The following CENPN variants were observed in gnomAD, a reference collection of about 807,000 sequenced individuals.
CENPN encodes the protein centromere protein N.
Under a neutral mutation model 48.6 loss-of-function variants are expected in CENPN, and 36 were observed. The observed-to-expected ratio is 0.74, with a 90% confidence interval of 0.57 to 0.98. The LOEUF is 0.98. CENPN is among the 50% of genes least tolerant of loss of function. CENPN has a pLI of 0.00. For synonymous variants in CENPN, 166 were observed against 135.2 expected, an observed-to-expected ratio of 1.23 and a Z score of -1.58; for missense variants, 439 against 399.2, an observed-to-expected ratio of 1.10 and a Z score of -0.85.
At chr16:81,027,077 C>T (rs1296175578) in intron 9 of CENPN, among the ~76,000 whole-genome samples, 4 of 152,062 alleles carry the variant, frequency 2.6e-5, no homozygotes, top group South Asian at 4.1e-4. Context: ...GGATTACAGA[C>T]GTGAGCCACT....
chr16:81,015,817 C>G (rs374985040), intron 3 of CENPN, among the ~76,000 whole-genome samples: 1 of 152,116 alleles, frequency 6.6e-6, no homozygotes, highest in African/African-American at 2.4e-5. Context: ...ACCAGCCTGG[C>G]CACTATGGTG....
At position 81,011,948 on chromosome 16, in the gene CENPN, G is replaced by C. The variant is rs754397987; in HGVS notation, c.9G>C (p.Glu3Asp). ...GTAAAAGTGCCAAAGAGATGGATGAGACTGTTGCTGAGTTCATCAAGAGGA... is the reference window on the plus strand; with the variant it reads ...GTAAAAGTGCCAAAGAGATGGATGACACTGTTGCTGAGTTCATCAAGAGGA... The part of the protein sequence containing the change: MD[E>D]TVAEFIKRTI... Residue 3 changes from glutamate to aspartate, a missense_variant, in exon 2 of 11, where the codon GAG becomes GAC. By Grantham distance (45) the Glu-to-Asp change is conservative. Coordinates refer to ENST00000305850, the MANE Select transcript of CENPN (RefSeq NM_001100624.3). 6.2e-6 allele frequency: 10 copies of C among 1,613,750 alleles called. No homozygotes were observed. The highest frequency in any genetic ancestry group is 7.6e-6 in the Non-Finnish European group (9 of 1,179,682).
chr16:81,021,074 G>A (rs577092198), intron 6 of CENPN, among the ~76,000 whole-genome samples: 33 of 148,564 alleles, frequency 2.2e-4, no homozygotes, highest in African/African-American at 7.7e-4. Flanking sequence ...CCTGGGCAAC[G>A]AGAAAGAAAC....
chr16:81,007,758 G>C (rs557963579), intron 1 of CENPN, among the ~76,000 whole-genome samples: 3 of 152,198 alleles, frequency 2.0e-5, no homozygotes, highest in Non-Finnish European at 2.9e-5. Flanking sequence ...GCGTTCCACA[G>C]ATCTTGAGCA....
chr16:81,010,320 T>C (rs1969689769), intron 1 of CENPN, among the ~76,000 whole-genome samples: 1 of 152,230 alleles, frequency 6.6e-6, no homozygotes, highest in Non-Finnish European at 1.5e-5. Context: ...GCTGTCACCA[T>C]TGGCTCACAA....
intron 4 of CENPN, among the ~76,000 whole-genome samples, 162 bp downstream of exon 4, chr16:81,017,547 C>A (rs1969983045): frequency 6.6e-6 from 1 of 151,856 alleles, no homozygotes; most frequent in Admixed American, 6.6e-5. Context: ...TCATTTCTTT[C>A]AAAATGAGGT....
At chr16:81,020,794 A>G (rs1211190548) in intron 6 of CENPN, among the ~76,000 whole-genome samples, 1 of 152,210 alleles carries the variant, frequency 6.6e-6, no homozygotes, top group Non-Finnish European at 1.5e-5. Flanking sequence ...GATGGTTATT[A>G]GAAAAGCCAG....
intron 8 of CENPN, among the ~76,000 whole-genome samples, chr16:81,025,338 T>G (rs1970415186): frequency 6.6e-6 from 1 of 152,194 alleles, no homozygotes; most frequent in Non-Finnish European, 1.5e-5. Context: ...AGTACAGAAC[T>G]ACTAAAGTAA....
downstream of CENPN, chr16:81,032,618 G>C (rs746709925): frequency 1.2e-6 from 2 of 1,613,430 alleles, no homozygotes; most frequent in African/African-American, 1.3e-5. Flanking sequence ...GGAAGCCACA[G>C]TCAAGGGACC....
At chr16:81,031,789 GAC>G (rs1224102302), downstream of CENPN, among the ~76,000 whole-genome samples, 1 of 152,112 alleles carries the variant, frequency 6.6e-6, no homozygotes, top group African/African-American at 2.4e-5. Flanking sequence ...TTTTAGTAGA[GAC>G]AGGGTTTCAC....
At chr16:81,014,068 A>C (rs1969844365) in intron 2 of CENPN, 68 bp from the exon 3 acceptor site, 9 of 1,300,398 alleles carry the variant, frequency 6.9e-6, no homozygotes, top group Non-Finnish European at 1.0e-5. Flanking sequence ...CAATCCTAAA[A>C]TGTGTTTTAA....
In CENPN at chr16:81,024,794, T is replaced by C. The variant is rs757705122; in HGVS notation, c.697+16T>C. 7 of 1,560,956 alleles carry C rather than the reference T, an allele frequency of 4.5e-6. No individual in the cohort carries two copies. The highest frequency in any genetic ancestry group is 3.5e-5 in the Admixed American group (2 of 57,324). Reference sequence around the variant, plus strand: ...GATATAAATAGTACGTGTGTGTTAATATGAAACTGAATTTTGGAAATGCAT... The same window carrying C: ...GATATAAATAGTACGTGTGTGTTAACATGAAACTGAATTTTGGAAATGCAT... On this transcript the variant is annotated intron_variant, in intron 8 of 10. Transcript: ENST00000305850.
chr16:81,019,459 C>G (rs550563239), intron 5 of CENPN, among the ~76,000 whole-genome samples: 1 of 151,902 alleles, frequency 6.6e-6, no homozygotes, highest in East Asian at 1.9e-4. Flanking sequence ...CTCAAGCGAT[C>G]CTCCTACCTC....
intron 6 of CENPN, among the ~76,000 whole-genome samples, chr16:81,020,822 G>A (rs975826991): frequency 1.3e-5 from 2 of 152,156 alleles, no homozygotes; most frequent in African/African-American, 4.8e-5. Context: ...CAGGCGCGGT[G>A]CTCATGTCTG....
chr16:81,009,926 C>T (rs114147623), intron 1 of CENPN, among the ~76,000 whole-genome samples: 1,574 of 152,278 alleles, frequency 0.01, 23 homozygotes, highest in African/African-American at 0.035. Flanking sequence ...AGACCACGCG[C>T]GGTGGCTCAC....
intron 7 of CENPN, 175 bp downstream of exon 7, chr16:81,022,873 C>T: frequency 6.2e-7 from 1 of 1,609,824 alleles, no homozygotes; most frequent in South Asian, 1.1e-5. Flanking sequence ...TCCTCACAGT[C>T]ATCTTTTTAT....
At chr16:81,033,010 C>T (rs143114174), downstream of CENPN, 989 of 192,552 alleles carry the variant, frequency 5.1e-3, 10 homozygotes, top group Non-Finnish European at 8.7e-3. Context: ...AAGTGATACA[C>T]AAAATGGCAT....
rs1969847401 is a variant in CENPN, at chr16:81,014,120, T to C, written c.172-16T>C. 7 of 1,610,358 alleles carry C rather than the reference T, an allele frequency of 4.3e-6. No homozygotes were observed. Among genetic ancestry groups the C allele is most frequent in the Non-Finnish European group, 5.9e-6 (7 of 1,176,904 alleles). ...CCTATAACCACAGTTACTAAATAAT[T>C]TGTTTTCTCTTTTAGGAAAAGCGTG... On this transcript the variant is annotated splice_polypyrimidine_tract_variant and intron_variant, in intron 2 of 10. Coordinates refer to ENST00000305850, the MANE Select transcript of CENPN (RefSeq NM_001100624.3).
chr16:81,026,487 T>A (rs1970498831), intron 8 of CENPN, 39 bp from the exon 9 acceptor site: 3 of 976,438 alleles, frequency 3.1e-6, no homozygotes, highest in Non-Finnish European at 4.8e-6. Flanking sequence ...ATGAAATATA[T>A]TCCTAACGGC....
Sources: allele counts gnomAD v4.1 joint callset (sites outside exome capture counted in the v4.1 genomes callset), GRCh38; gene constraint gnomAD v4.1.1; transcripts MANE v1.5; gene names NCBI Gene and HGNC (gene_info 2026-07-23, HGNC 2026-07-21).